The following PDE10A variants were observed in gnomAD, a reference collection of about 807,000 sequenced individuals.
PDE10A encodes the protein phosphodiesterase 10A, also known as cAMP and cAMP-inhibited cGMP 3',5'-cyclic phosphodiesterase 10A.
Under a neutral mutation model 97.7 loss-of-function variants are expected in PDE10A, and 39 were observed. That is an observed-to-expected ratio of 0.40 (90% CI 0.31 to 0.52). PDE10A has a LOEUF of 0.52. Ranked by LOEUF, PDE10A falls within the 20% of genes least tolerant of loss-of-function variation. The probability of loss-of-function intolerance (pLI) is 0.56; values close to 1 mark genes in which losing one functional copy is unlikely to be tolerated. For missense variants in PDE10A, 731 were observed against 1,047.8 expected (o/e 0.70, Z 4.17); for synonymous variants, 371 against 376.8 (o/e 0.98, Z 0.18).
intron 1 of PDE10A, among the ~76,000 whole-genome samples, chr6:165,847,840 G>A (rs1468865902): frequency 6.6e-6 from 1 of 152,216 alleles, no homozygotes; most frequent in African/African-American, 2.4e-5. Context: ...TTGCTTTTGA[G>A]CGTAAACAAA....
chr6:165,399,858 C>T (rs220786), intron 13 of PDE10A, among the ~76,000 whole-genome samples: 29,862 of 152,140 alleles, frequency 0.2, 3,088 homozygotes, highest in Middle Eastern at 0.3. Flanking sequence ...CAAGTCTCTG[C>T]TATTGTTAAT....
rs936952360 is a variant in PDE10A at position 165,655,020 on chromosome 6, T to C, written c.865+6927A>G. ...CACGACTGTGGCTTCAACGACTACC[T>C]TGGTGTTGCAGAGTCCAAATCTCTC... On this transcript the variant is annotated intron_variant, in intron 1 of 21. Coordinates refer to ENST00000539869, the MANE Select transcript of PDE10A (RefSeq NM_001385079.1). The surrounding 1 kb of genome is among the most constrained non-coding windows in gnomAD (Gnocchi z 4.5). Among the ~76,000 whole-genome samples, 2 of 152,224 alleles carry C rather than the reference T, an allele frequency of 1.3e-5. No individual in the cohort carries two copies. Among genetic ancestry groups the C allele is most frequent in the African/African-American group, 4.8e-5 (2 of 41,466 alleles).
chr6:165,860,821 C>A (rs1780881818), intron 1 of PDE10A, among the ~76,000 whole-genome samples: 1 of 152,218 alleles, frequency 6.6e-6, no homozygotes, highest in African/African-American at 2.4e-5. Flanking sequence ...TCTGCACTAA[C>A]CTGAGTCCCT....
At chr6:165,672,121 A>G (rs1004891639) in intron 1 of PDE10A, among the ~76,000 whole-genome samples, 1 of 152,228 alleles carries the variant, frequency 6.6e-6, no homozygotes, top group Non-Finnish European at 1.5e-5. Flanking sequence ...TGTATTTACA[A>G]CTTGATTTCA....
chr6:165,494,478 A>G (rs1462797128), intron 2 of PDE10A, among the ~76,000 whole-genome samples: 4 of 149,390 alleles, frequency 2.7e-5, no homozygotes, highest in African/African-American at 4.9e-5. Context: ...GTGTGTGTGT[A>G]ATACACACAA....
Position 165,659,206 on chromosome 6 carries a change from T to C in PDE10A, c.865+2741A>G, listed in dbSNP as rs140922045. Among the ~76,000 whole-genome samples the C allele has an allele frequency of 2.3e-3, 352 of 151,898 alleles. 3 individuals carry two copies. The highest frequency in any genetic ancestry group is 0.02 in the Admixed American group (301 of 15,256). On this transcript the variant is annotated intron_variant, in intron 1 of 21. Coordinates refer to ENST00000539869, the MANE Select transcript of PDE10A (RefSeq NM_001385079.1). ...GTAATAAAAATAAAACCAGCATTCA[T>C]ACAAACAGTAACTGGACAAAACAGC...
At chr6:165,653,968 C>A (rs905643788) in intron 1 of PDE10A, among the ~76,000 whole-genome samples, 2 of 152,160 alleles carry the variant, frequency 1.3e-5, no homozygotes, top group African/African-American at 4.8e-5. Context: ...GCGCCTCTGT[C>A]CAGGCTCTCT....
intron 1 of PDE10A, among the ~76,000 whole-genome samples, chr6:165,602,750 G>A (rs1787024263): frequency 6.6e-6 from 1 of 152,152 alleles, no homozygotes; most frequent in Non-Finnish European, 1.5e-5. Flanking sequence ...GTACAGGTGT[G>A]AGGCTCAGGA....
At chr6:165,402,030 G>C (rs1786705531) in intron 13 of PDE10A, among the ~76,000 whole-genome samples, 1 of 152,150 alleles carries the variant, frequency 6.6e-6, no homozygotes, top group Admixed American at 6.5e-5. Flanking sequence ...ATGTTAGTAA[G>C]AGTAACTATA....
At chr6:165,438,348 C>G (rs1003058561) in intron 5 of PDE10A, among the ~76,000 whole-genome samples, 8 of 152,214 alleles carry the variant, frequency 5.3e-5, no homozygotes, top group Admixed American at 2.0e-4. Flanking sequence ...GCCACCACGC[C>G]CAGCTAATTT....
chr6:165,622,322 G>A (rs1429259427), intron 1 of PDE10A, among the ~76,000 whole-genome samples: 3 of 152,022 alleles, frequency 2.0e-5, no homozygotes, highest in African/African-American at 7.3e-5. Context: ...GTCACTTAAT[G>A]GAAACACGTG....
intron 1 of PDE10A, among the ~76,000 whole-genome samples, chr6:165,812,945 C>T (rs1779319524): frequency 6.6e-6 from 1 of 152,178 alleles, no homozygotes; most frequent in Non-Finnish European, 1.5e-5. Flanking sequence ...CAGTACTCTG[C>T]AAAGTATCCA....
At chr6:165,541,228 T>C (rs1319711420) in intron 2 of PDE10A, among the ~76,000 whole-genome samples, 1 of 151,980 alleles carries the variant, frequency 6.6e-6, no homozygotes, top group Non-Finnish European at 1.5e-5. Flanking sequence ...CACAACTAGA[T>C]GGTAAACTCC....
chr6:165,701,998 G>T (rs1187446495), intron 1 of PDE10A, among the ~76,000 whole-genome samples: 4 of 152,206 alleles, frequency 2.6e-5, no homozygotes, highest in Non-Finnish European at 5.9e-5. Flanking sequence ...CCTGGGCCCT[G>T]GAACTACAGG....
intron 1 of PDE10A, among the ~76,000 whole-genome samples, chr6:165,735,012 G>T (rs1231038339): frequency 7.6e-6 from 1 of 132,098 alleles, no homozygotes; most frequent in Non-Finnish European, 1.5e-5. Flanking sequence ...TAGGTAGGTA[G>T]ATAGGTAGGT....
intron 3 of PDE10A, among the ~76,000 whole-genome samples, chr6:165,456,023 G>A (rs918308899): frequency 6.6e-6 from 1 of 152,086 alleles, no homozygotes. Context: ...CCAAAACTTA[G>A]GTTATTTTCT....
chr6:165,427,526 C>G (rs916496046), intron 10 of PDE10A, among the ~76,000 whole-genome samples: 8 of 152,026 alleles, frequency 5.3e-5, no homozygotes, highest in African/African-American at 1.9e-4. Context: ...AAAAGGGTAT[C>G]AAGTTGCTTT....
chr6:165,415,690 T>G (rs1788261568), intron 12 of PDE10A, among the ~76,000 whole-genome samples: 1 of 152,204 alleles, frequency 6.6e-6, no homozygotes, highest in African/African-American at 2.4e-5. Context: ...GGCATTATCA[T>G]ACTCATCTTA....
intron 3 of PDE10A, among the ~76,000 whole-genome samples, chr6:165,472,248 T>C (rs1040791199): frequency 6.6e-6 from 1 of 152,138 alleles, no homozygotes; most frequent in African/African-American, 2.4e-5. Flanking sequence ...CCATTTCATA[T>C]AAATTTGCAA....
Sources: allele counts gnomAD v4.1 joint callset (sites outside exome capture counted in the v4.1 genomes callset), GRCh38; gene constraint gnomAD v4.1.1; non-coding constraint Gnocchi (gnomAD v3.1); transcripts MANE v1.5; gene names NCBI Gene and HGNC (gene_info 2026-07-23, HGNC 2026-07-21).